CAMK2D: variants seen among roughly 807,000 people sequenced by gnomAD.
CAMK2D encodes the protein calcium/calmodulin dependent protein kinase II delta.
A neutral mutation model predicts 84.0 loss-of-function variants in CAMK2D; 37 were observed. The ratio of observed to expected loss-of-function variants is 0.44; its 90% confidence interval spans 0.34 to 0.58. CAMK2D has a LOEUF of 0.58. Ranked by LOEUF, CAMK2D falls within the 20% of genes least tolerant of loss-of-function variation. CAMK2D has a pLI of 0.02. For synonymous variants in CAMK2D, 202 were observed against 212.5 expected, an observed-to-expected ratio of 0.95 and a Z score of 0.43; for missense variants, 448 against 652.5, an observed-to-expected ratio of 0.69 and a Z score of 3.41.
At chr4:113,655,887 G>A (rs2099197786) in intron 3 of CAMK2D, among the ~76,000 whole-genome samples, 1 of 151,828 alleles carries the variant, frequency 6.6e-6, no homozygotes, top group Non-Finnish European at 1.5e-5. Context: ...TTTGTTATCT[G>A]AGCTTCACCA....
At chr4:113,625,519 T>A (rs887811264) in intron 3 of CAMK2D, among the ~76,000 whole-genome samples, 1 of 152,130 alleles carries the variant, frequency 6.6e-6, no homozygotes, top group Admixed American at 6.6e-5. Flanking sequence ...GCCATGGAGA[T>A]GCCTCAGGGA....
chr4:113,575,429 T>C lies in CAMK2D; in HGVS notation c.276-23333A>G, dbSNP rs553362437. On this transcript the variant is annotated intron_variant, in intron 4 of 20. Coordinates refer to ENST00000511664, the MANE Select transcript of CAMK2D (RefSeq NM_001321571.2). ...TAATTTTGATGGCTACAACAAAATA[T>C]ACTTTAAATTTCTCTGAATTCTTAA... Among the ~76,000 whole-genome samples the C allele has an allele frequency of 2.6e-5, 4 of 152,346 alleles. 1 individual carries two copies. Among genetic ancestry groups the C allele is most frequent in the African/African-American group, 9.6e-5 (4 of 41,590 alleles).
At chr4:113,456,241 T>C (rs1182590971) in intron 19 of CAMK2D, among the ~76,000 whole-genome samples, 3 of 152,070 alleles carry the variant, frequency 2.0e-5, no homozygotes, top group African/African-American at 7.2e-5. Flanking sequence ...CTGGAGTGAG[T>C]TGAATGGCTG....
At chr4:113,543,852 G>T (rs1019155289) in intron 6 of CAMK2D, among the ~76,000 whole-genome samples, 3 of 151,504 alleles carry the variant, frequency 2.0e-5, no homozygotes, top group African/African-American at 7.3e-5. Context: ...AATGCAGTGG[G>T]GCGATCTCTG....
chr4:113,598,785 A>G (rs2098938895), intron 4 of CAMK2D, among the ~76,000 whole-genome samples: 1 of 152,100 alleles, frequency 6.6e-6, no homozygotes, highest in African/African-American at 2.4e-5. Flanking sequence ...CCTAGGTTCA[A>G]GCCTCTCAAG....
At chr4:113,557,079 T>G (rs2098669915) in intron 4 of CAMK2D, among the ~76,000 whole-genome samples, 2 of 152,194 alleles carry the variant, frequency 1.3e-5, no homozygotes, top group African/African-American at 4.8e-5. Flanking sequence ...TAAATCTTGC[T>G]GATTATATCT....
intron 16 of CAMK2D, among the ~76,000 whole-genome samples, chr4:113,497,309 G>T (rs2097950416): frequency 6.6e-6 from 1 of 152,160 alleles, no homozygotes; most frequent in Non-Finnish European, 1.5e-5. Flanking sequence ...GAAGCACATG[G>T]AAGTCAGGTA....
intron 4 of CAMK2D, among the ~76,000 whole-genome samples, chr4:113,577,724 TAC>T (rs1427764081): frequency 4.0e-5 from 6 of 151,436 alleles, no homozygotes; most frequent in Non-Finnish European, 2.9e-5. Context: ...TCATTTGTGT[TAC>T]AGTTTTTTCC....
intron 7 of CAMK2D, among the ~76,000 whole-genome samples, chr4:113,536,722 C>G (rs1433310445): frequency 2.0e-5 from 3 of 152,046 alleles, no homozygotes; most frequent in Non-Finnish European, 4.4e-5. Context: ...GTTAGAAATA[C>G]TATAATTTAA....
chr4:113,729,131 C>T (rs1391264790), intron 2 of CAMK2D, among the ~76,000 whole-genome samples: 6 of 152,164 alleles, frequency 3.9e-5, no homozygotes, highest in African/African-American at 1.2e-4. Context: ...AACAACCTCC[C>T]GCCTAAGTCA....
chr4:113,710,752 G>T (rs1277270314), intron 2 of CAMK2D, among the ~76,000 whole-genome samples: 2 of 152,128 alleles, frequency 1.3e-5, no homozygotes, highest in Non-Finnish European at 2.9e-5. Context: ...TACCAGAATA[G>T]GAAGGTGAGT....
At chr4:113,509,539 A>AAAAT (rs1346273681) in intron 13 of CAMK2D, 99 bp downstream of exon 13, 1 of 773,486 alleles carries the variant, frequency 1.3e-6, no homozygotes, top group African/African-American at 1.8e-5. Flanking sequence ...GAAACAATAA[A>AAAAT]AAATAGAACT....
At chr4:113,646,086 G>A (rs1357547426) in intron 3 of CAMK2D, among the ~76,000 whole-genome samples, 1 of 152,204 alleles carries the variant, frequency 6.6e-6, no homozygotes, top group Non-Finnish European at 1.5e-5. Context: ...TTAGGTGTGG[G>A]CCAGCCCAGG....
intron 6 of CAMK2D, among the ~76,000 whole-genome samples, chr4:113,543,863 C>T (rs1189631661): frequency 6.6e-6 from 1 of 151,962 alleles, no homozygotes; most frequent in African/African-American, 2.4e-5. Flanking sequence ...GCGATCTCTG[C>T]TCACTGCAAG....
At chr4:113,630,606 T>C (rs1416136077) in intron 3 of CAMK2D, among the ~76,000 whole-genome samples, 2 of 152,136 alleles carry the variant, frequency 1.3e-5, no homozygotes, top group African/African-American at 4.8e-5. Flanking sequence ...ACCAATAATA[T>C]ATGTCAACTG....
At chr4:113,514,941 G>T (rs991355061) in intron 10 of CAMK2D, 128 bp downstream of exon 10, 3 of 883,200 alleles carry the variant, frequency 3.4e-6, no homozygotes, top group Non-Finnish European at 3.6e-6. Context: ...TAAACACCTC[G>T]AGTCAAAAAT....
In CAMK2D at chr4:113,486,403, G is replaced by T. The variant is rs141821298; in HGVS notation, c.1135+14060C>A. On this transcript the variant is annotated intron_variant, in intron 16 of 20. Transcript: ENST00000511664. ...GCATCCCAAAATGTTGGGATTACGG[G>T]TATGAGCCACTGGGCTTGGGTGATT... Among the ~76,000 whole-genome samples, 215 of 152,186 alleles carry T rather than the reference G, an allele frequency of 1.4e-3. 1 individual carries two copies. Among genetic ancestry groups the T allele is most frequent in the African/African-American group, 5.1e-3 (211 of 41,528 alleles).
intron 2 of CAMK2D, among the ~76,000 whole-genome samples, chr4:113,673,349 T>A (rs1360148867): frequency 6.6e-6 from 1 of 152,202 alleles, no homozygotes; most frequent in African/African-American, 2.4e-5. Context: ...CAGGCTATGC[T>A]TCCAACAATT....
At chr4:113,677,382 T>C (rs1435016433) in intron 2 of CAMK2D, 1 of 154,340 alleles carries the variant, frequency 6.5e-6, no homozygotes, top group Non-Finnish European at 1.4e-5. Context: ...CCTAAGACAG[T>C]GTATGATCTA....
Sources: allele counts gnomAD v4.1 joint callset (sites outside exome capture counted in the v4.1 genomes callset), GRCh38; gene constraint gnomAD v4.1.1; transcripts MANE v1.5; gene names NCBI Gene and HGNC (gene_info 2026-07-23, HGNC 2026-07-21).